The following AFAP1L1 variants were observed in gnomAD, a reference collection of about 807,000 sequenced individuals.
The protein encoded by AFAP1L1 is actin filament-associated protein 1-like 1.
In AFAP1L1, 77 loss-of-function variants were observed where a neutral mutation model predicts 99.8. That is an observed-to-expected ratio of 0.77 (90% CI 0.64 to 0.93). The LOEUF is 0.93. Among genes scored for constraint, AFAP1L1 ranks in the 40% least tolerant of loss-of-function variants. The probability of loss-of-function intolerance (pLI) is 0.00; values close to 1 mark genes in which losing one functional copy is unlikely to be tolerated. For missense variants in AFAP1L1, 893 were observed against 996.8 expected (o/e 0.90, Z 1.40); for synonymous variants, 373 against 395.3 (o/e 0.94, Z 0.67).
Position 149,319,713 on chromosome 5 carries a change from G to A in AFAP1L1, c.1611G>A (p.Gly537=). ...CCTTAACCAGCATCGTCAGTGCTGG[G>A]CGCAACTCCTTCCTGTAAGTGTCAG... is the stretch of plus-strand genomic sequence containing the variant. ...VETLTSIVSA[G]RNSFLYARSC... Residue 537 remains glycine (G), a synonymous_variant, in exon 13 of 19, where the codon GGG becomes GGA. Transcript: ENST00000296721. 6.2e-7 allele frequency: 1 copy of A among 1,612,042 alleles called. No homozygotes were observed. Among genetic ancestry groups the A allele is most frequent in the Non-Finnish European group, 8.5e-7 (1 of 1,179,964 alleles).
intron 11 of AFAP1L1, 86 bp downstream of exon 11, chr5:149,316,389 T>G (rs969223739): frequency 6.7e-7 from 1 of 1,500,210 alleles, no homozygotes; most frequent in Admixed American, 1.9e-5. Context: ...TCATGCCTCG[T>G]CCACCTCACC....
chr5:149,281,463 C>T (rs1755517863), intron 1 of AFAP1L1, among the ~76,000 whole-genome samples: 1 of 152,200 alleles, frequency 6.6e-6, no homozygotes, highest in Non-Finnish European at 1.5e-5. Context: ...TCAGACTGGG[C>T]TTTTGGAAGT....
At position 149,302,406 on chromosome 5, in the gene AFAP1L1, G is replaced by T. The variant is rs1206337197; in HGVS notation, c.328-12G>T. On this transcript the variant is annotated splice_polypyrimidine_tract_variant and intron_variant, in intron 4 of 18. Coordinates refer to ENST00000296721, the MANE Select transcript of AFAP1L1 (RefSeq NM_152406.4). The stretch of plus-strand genomic sequence containing the variant: ...CTCCGCTCCCCTAGCCCTCTTTTTT[G>T]TCCCCTTGCAGGCGGCCGACCTGCC... 6.4e-7 allele frequency: 1 copy of T among 1,557,740 alleles called. No homozygotes were observed. The highest frequency in any genetic ancestry group is 8.7e-7 in the Non-Finnish European group (1 of 1,151,692).
chr5:149,276,191 A>G (rs943246992), intron 1 of AFAP1L1, among the ~76,000 whole-genome samples: 1 of 152,220 alleles, frequency 6.6e-6, no homozygotes, highest in Non-Finnish European at 1.5e-5. Context: ...CTTAAGCTGC[A>G]CTATTCAGAT....
chr5:149,334,078 T>C (rs530624205), intron 17 of AFAP1L1, among the ~76,000 whole-genome samples: 2 of 152,330 alleles, frequency 1.3e-5, no homozygotes, highest in South Asian at 4.1e-4. Flanking sequence ...TGAATAAATG[T>C]TTTGCCTGCT....
At chr5:149,336,582 G>T (rs530330866) in intron 18 of AFAP1L1, among the ~76,000 whole-genome samples, 1 of 152,264 alleles carries the variant, frequency 6.6e-6, no homozygotes, top group African/African-American at 2.4e-5. Flanking sequence ...CCTTCTTGCT[G>T]ATGGGGTCTC....
Position 149,296,537 on chromosome 5 carries a change from G to A in AFAP1L1, c.17-2972G>A, listed in dbSNP as rs114282882. ...CTGTGGCTGCCTTCTTGCATCTGCCGTTGCCTCCCTTGTGAGTAATTACCT... is the reference window on the plus strand; with the variant it reads ...CTGTGGCTGCCTTCTTGCATCTGCCATTGCCTCCCTTGTGAGTAATTACCT... On this transcript the variant is annotated intron_variant, in intron 1 of 18. Transcript: ENST00000296721. Among the ~76,000 whole-genome samples, 1,138 of 152,286 alleles carry A rather than the reference G, an allele frequency of 7.5e-3. 14 individuals are homozygous for A. The highest frequency in any genetic ancestry group is 0.026 in the African/African-American group (1,078 of 41,542).
chr5:149,336,198 C>T (rs188639396), intron 18 of AFAP1L1, among the ~76,000 whole-genome samples: 1 of 152,122 alleles, frequency 6.6e-6, no homozygotes, highest in Non-Finnish European at 1.5e-5. Context: ...TAATATGGTA[C>T]CTACACTAAC....
chr5:149,281,905 G>A (rs1202474834), intron 1 of AFAP1L1, among the ~76,000 whole-genome samples: 1 of 152,204 alleles, frequency 6.6e-6, no homozygotes, highest in Non-Finnish European at 1.5e-5. Flanking sequence ...TATCGATGAG[G>A]GGGTATAGCC....
rs916161172 is a variant in AFAP1L1, at chr5:149,317,718, G to A, written c.1268-11G>A. ...CAGGCTATGGGAACCTCACACCATT[G>A]TCTCCTCCAGGCTACCTGAACGTGC... is the stretch of plus-strand genomic sequence containing the variant. On this transcript the variant is annotated splice_polypyrimidine_tract_variant and intron_variant, in intron 11 of 18. Coordinates refer to ENST00000296721, the MANE Select transcript of AFAP1L1 (RefSeq NM_152406.4). The A allele has an allele frequency of 2.5e-6, 4 of 1,613,266 alleles. No individual in the cohort carries two copies. The African/African-American group carries it at 5.3e-5, about 22-fold the overall frequency.
intron 11 of AFAP1L1, 27 bp downstream of exon 11, chr5:149,316,330 G>A (rs889988386): frequency 6.2e-7 from 1 of 1,607,698 alleles, no homozygotes; most frequent in East Asian, 2.2e-5. Flanking sequence ...GGGAGGAAGG[G>A]TGCTCAGGTC....
rs370748025 is a variant in AFAP1L1, at chr5:149,319,010, A to G, written c.1480-572A>G. On this transcript the variant is annotated intron_variant, in intron 12 of 18. Transcript: ENST00000296721. ...AGGTCTCTTATTTATCTTATACACG[A>G]AGGTTTCTGGCAAAAAGTGTGCTTT... Among the ~76,000 whole-genome samples, 12 of 152,150 alleles carry G rather than the reference A, an allele frequency of 7.9e-5. No homozygotes were observed. In the East Asian group the frequency reaches 2.3e-3, roughly 29 times the overall value.
At chr5:149,308,155 C>CA (rs140909373) in intron 7 of AFAP1L1, among the ~76,000 whole-genome samples, 7,044 of 150,648 alleles carry the variant, frequency 0.047, 171 homozygotes, top group African/African-American at 0.051. Flanking sequence ...TCTCAAAAAC[C>CA]AAAAAAAAGA....
At chr5:149,285,489 GA>G (rs904082309) in intron 1 of AFAP1L1, among the ~76,000 whole-genome samples, 4 of 152,190 alleles carry the variant, frequency 2.6e-5, no homozygotes, top group African/African-American at 9.7e-5. Context: ...CAGGCTTGGT[GA>G]AATGATGAAA....
intron 1 of AFAP1L1, among the ~76,000 whole-genome samples, chr5:149,292,671 G>A (rs765554649): frequency 2.0e-5 from 3 of 152,144 alleles, no homozygotes; most frequent in Non-Finnish European, 4.4e-5. Flanking sequence ...TCTTCCTGTT[G>A]TATCTTTTTC....
intron 15 of AFAP1L1, among the ~76,000 whole-genome samples, chr5:149,323,337 C>T (rs541406028): frequency 6.6e-6 from 1 of 152,364 alleles, no homozygotes; most frequent in South Asian, 2.1e-4. Flanking sequence ...CCCCCAGGAG[C>T]TCAGTGAATT....
At chr5:149,319,752 A>T in intron 13 of AFAP1L1, 25 bp downstream of exon 13, 1 of 1,608,968 alleles carries the variant, frequency 6.2e-7, no homozygotes, top group Non-Finnish European at 8.5e-7. Context: ...CACTGGCCAC[A>T]CCTGCCCAGG....
In AFAP1L1 at chr5:149,329,742, G is replaced by A. The variant is rs752394434; in HGVS notation, c.1887G>A (p.Leu629=). Residue 629 remains leucine (L), a synonymous_variant, in exon 16 of 19, where the codon CTG becomes CTA. Coordinates refer to ENST00000296721, the MANE Select transcript of AFAP1L1 (RefSeq NM_152406.4). ...GGTACTTGGTAGAAAAAGAGAAGCT[G>A]GAGAAAGAGAAAGAGACGATTCGGA... ...ARRYLVEKEK[L]EKEKETIRTE... 47 of 1,613,960 alleles carry A rather than the reference G, an allele frequency of 2.9e-5. No individual in the cohort carries two copies. The Admixed American group carries it at 3.3e-4, about 11-fold the overall frequency.
chr5:149,305,307 T>C (rs1335006254), intron 5 of AFAP1L1, among the ~76,000 whole-genome samples: 1 of 152,234 alleles, frequency 6.6e-6, no homozygotes, highest in Admixed American at 6.5e-5. Flanking sequence ...TCAACTCTGA[T>C]TGATCCCAAA....
Sources: gnomAD v4.1 joint callset for allele counts (sites outside exome capture counted in the v4.1 genomes callset) on GRCh38, gnomAD v4.1.1 for gene constraint, MANE v1.5 for transcripts, NCBI Gene and HGNC (gene_info 2026-07-23, HGNC 2026-07-21) for gene names.